CARM1: variants seen among roughly 807,000 people sequenced by gnomAD.
CARM1 encodes the protein coactivator associated arginine methyltransferase 1.
In CARM1, 14 loss-of-function variants were observed where a neutral mutation model predicts 72.7. The observed-to-expected ratio is 0.19, with a 90% CI of 0.13 to 0.30. The LOEUF is 0.30. Ranked by LOEUF, CARM1 falls within the 10% of genes least tolerant of loss-of-function variation. The pLI is 1.00. For missense variants in CARM1, 432 were observed against 833.7 expected (o/e 0.52, Z 5.93); for synonymous variants, 333 against 345.5 (o/e 0.96, Z 0.40).
chr19:10,898,950 C>T (rs981147523), intron 1 of CARM1, among the ~76,000 whole-genome samples: 12 of 150,388 alleles, frequency 8.0e-5, no homozygotes, highest in East Asian at 7.8e-4. Context: ...GGGGCCAAGA[C>T]GGGGAGAGCC....
chr19:10,911,807 G>C (rs923635644), intron 4 of CARM1, among the ~76,000 whole-genome samples: 4 of 152,214 alleles, frequency 2.6e-5, no homozygotes, highest in Non-Finnish European at 5.9e-5. Context: ...GCATGAGTCA[G>C]CATGGAGCTG....
chr19:10,909,596 G>T (rs2074131197), intron 4 of CARM1, among the ~76,000 whole-genome samples: 1 of 151,986 alleles, frequency 6.6e-6, no homozygotes, highest in Non-Finnish European at 1.5e-5. Context: ...AATTAGTTGG[G>T]CGTGGTGGTG....
rs1388646970 is a variant in CARM1, at chr19:10,920,676, G to C, written c.1352G>C (p.Ser451Thr). 1 of 1,614,172 alleles carries C rather than the reference G, an allele frequency of 6.2e-7. No individual in the cohort carries two copies. Among genetic ancestry groups the C allele is most frequent in the Non-Finnish European group, 8.5e-7 (1 of 1,180,014 alleles). The stretch of plus-strand genomic sequence containing the variant: ...GTCCGCAGACAGAGCTACGACATCA[G>C]TATTGTGGCCCAGGTGGACCAGACC... ...IANKRQSYDISIVAQVDQTGS... is the reference protein window; with the variant it reads ...IANKRQSYDITIVAQVDQTGS... The change falls in exon 12 of 16, where the codon AGT (serine) becomes ACT (threonine). Residue 451 changes from serine to threonine, a missense_variant. Ser to Thr is a moderately conservative substitution (Grantham distance 58). Coordinates refer to ENST00000327064, the MANE Select transcript of CARM1 (RefSeq NM_199141.2). This position sits in a 1 kb window ranked among gnomAD's most constrained non-coding sequence, Gnocchi z 5.3.
At chr19:10,913,487 G>C (rs184748859) in intron 5 of CARM1, among the ~76,000 whole-genome samples, 1 of 151,792 alleles carries the variant, frequency 6.6e-6, no homozygotes, top group South Asian at 2.1e-4. Context: ...GCAGTGAGCC[G>C]AGATGGCGCC....
intron 1 of CARM1, among the ~76,000 whole-genome samples, chr19:10,891,619 G>T (rs1442485689): frequency 6.6e-6 from 1 of 151,812 alleles, no homozygotes; most frequent in Admixed American, 6.5e-5. Flanking sequence ...GATGTTGGGG[G>T]GGTGGTCCCC....
At chr19:10,908,852 G>A (rs369542997) in intron 3 of CARM1, 4 of 379,704 alleles carry the variant, frequency 1.1e-5, no homozygotes, top group South Asian at 2.7e-5. Flanking sequence ...TCTCCTGGGC[G>A]GCTTCCAGGT....
intron 1 of CARM1, among the ~76,000 whole-genome samples, chr19:10,886,702 G>C (rs2146311358): frequency 6.6e-6 from 1 of 152,088 alleles, no homozygotes; most frequent in East Asian, 1.9e-4. Flanking sequence ...GCAGTGGCAG[G>C]CACCTGTAAT....
At chr19:10,885,006 G>T (rs182835263) in intron 1 of CARM1, among the ~76,000 whole-genome samples, 1 of 152,178 alleles carries the variant, frequency 6.6e-6, no homozygotes, top group Non-Finnish European at 1.5e-5. Context: ...ATGCCTGGCC[G>T]CTTATTTATT....
chr19:10,922,891 C>T lies in CARM1; in HGVS notation c.*1134C>T. 1 of 178,240 alleles carries T rather than the reference C, an allele frequency of 5.6e-6. No homozygotes were observed. The highest frequency in any genetic ancestry group is 1.2e-5 in the Non-Finnish European group (1 of 86,420). The allele number at this position is 178,240 out of a possible 1,614,324, so 11.0% of individuals were successfully genotyped here. On this transcript the variant is annotated 3_prime_UTR_variant, in exon 16 of 16. Transcript: ENST00000327064. ...AGGAGCGGGCGCTGTCCAGGCTGGG[C>T]CGCCCCCTTGGCTCTCCCTCCTGTT...
At chr19:10,893,130 C>T (rs544156820) in intron 1 of CARM1, among the ~76,000 whole-genome samples, 17 of 152,136 alleles carry the variant, frequency 1.1e-4, no homozygotes, top group Non-Finnish European at 2.2e-4. Context: ...CTCTGCCTCC[C>T]AGGTTCAAGT....
intron 1 of CARM1, among the ~76,000 whole-genome samples, chr19:10,888,506 C>T (rs556192995): frequency 1.4e-4 from 21 of 152,320 alleles, no homozygotes; most frequent in African/African-American, 4.8e-4. Context: ...AGAGTGCTTC[C>T]TGGGGCTCCA....
intron 1 of CARM1, among the ~76,000 whole-genome samples, chr19:10,881,325 T>C (rs2073900747): frequency 6.6e-6 from 1 of 152,224 alleles, no homozygotes; most frequent in Non-Finnish European, 1.5e-5. Context: ...GAACCTCCCC[T>C]GATTTCGGTC....
rs35291257 is a variant in CARM1, at chr19:10,889,481, A to ATT, written c.221-15452_221-15451dup. Among the ~76,000 whole-genome samples the ATT allele has an allele frequency of 2.1e-3, 272 of 129,424 alleles. 2 individuals are homozygous for ATT. Among genetic ancestry groups the ATT allele is most frequent in the African/African-American group, 6.3e-3 (218 of 34,588 alleles). The allele number at this position is 129,424 out of a possible 152,430, so 84.9% of individuals were successfully genotyped here. On this transcript the variant is annotated intron_variant, in intron 1 of 15. Transcript: ENST00000327064. ...AGGTGTTCACCACCATGCCCGGCTA[A>ATT]TTTTTTTTTTTTTTTTTTTGTATTT...
At chr19:10,879,787 T>C (rs761838523) in intron 1 of CARM1, among the ~76,000 whole-genome samples, 4 of 152,190 alleles carry the variant, frequency 2.6e-5, no homozygotes, top group African/African-American at 4.8e-5. Flanking sequence ...ATAATTTTTG[T>C]ATTTTTAGTA....
In CARM1 at chr19:10,921,359, C is replaced by T. The variant is rs779021591; in HGVS notation, c.1616-16C>T. On this transcript the variant is annotated splice_polypyrimidine_tract_variant and intron_variant, in intron 14 of 15. Coordinates refer to ENST00000327064, the MANE Select transcript of CARM1 (RefSeq NM_199141.2). ...ACGCCGTCTCCCTTCCTTCTTTCCTCCCTCTCGCTGCGCAGCCAACACGGG... is the reference window on the plus strand; with the variant it reads ...ACGCCGTCTCCCTTCCTTCTTTCCTTCCTCTCGCTGCGCAGCCAACACGGG... 5.6e-6 allele frequency: 9 copies of T among 1,610,264 alleles called. No individual in the cohort carries two copies. In the Admixed American group the frequency reaches 6.8e-5, roughly 12 times the overall value.
chr19:10,898,434 C>T (rs371520746), intron 1 of CARM1, among the ~76,000 whole-genome samples: 1 of 152,364 alleles, frequency 6.6e-6, no homozygotes, highest in African/African-American at 2.4e-5. Flanking sequence ...CCCACCTCTC[C>T]AGGCCATGTG....
At chr19:10,887,869 G>T (rs1055993027) in intron 1 of CARM1, among the ~76,000 whole-genome samples, 5 of 152,060 alleles carry the variant, frequency 3.3e-5, no homozygotes, top group African/African-American at 9.7e-5. Flanking sequence ...TCTCTGGAGC[G>T]CCCCCCTGTA....
intron 2 of CARM1, among the ~76,000 whole-genome samples, chr19:10,907,098 G>T (rs982608036): frequency 6.6e-6 from 1 of 151,456 alleles, no homozygotes; most frequent in Non-Finnish European, 1.5e-5. Context: ...ATAGAGACAG[G>T]GTTTCACCAT....
chr19:10,908,251 C>A, intron 3 of CARM1, 106 bp downstream of exon 3: 1 of 734,346 alleles, frequency 1.4e-6, no homozygotes, highest in Non-Finnish European at 2.4e-6. Context: ...AAGTTCCCGT[C>A]CTGGCTCTGT....
Sources: allele counts gnomAD v4.1 joint callset (sites outside exome capture counted in the v4.1 genomes callset), GRCh38; gene constraint gnomAD v4.1.1; non-coding constraint Gnocchi (gnomAD v3.1); transcripts MANE v1.5; gene names NCBI Gene and HGNC (gene_info 2026-07-23, HGNC 2026-07-21).